TMF1: variants seen among roughly 807,000 people sequenced by gnomAD.
The protein encoded by TMF1 is TATA element modulatory factor 1.
A neutral mutation model predicts 126.5 loss-of-function variants in TMF1; 71 were observed. The observed-to-expected ratio is 0.56, with a 90% confidence interval of 0.46 to 0.68. TMF1 has a LOEUF of 0.68. TMF1 is among the 30% of genes least tolerant of loss of function. The probability of loss-of-function intolerance (pLI) is 0.00; values close to 1 mark genes in which losing one functional copy is unlikely to be tolerated. For synonymous variants in TMF1, 461 were observed against 430.5 expected, an observed-to-expected ratio of 1.07 and a Z score of -0.88; for missense variants, 1,259 against 1,253.2, an observed-to-expected ratio of 1.00 and a Z score of -0.07.
At chr3:69,051,882 C>A in intron 1 of TMF1, 63 bp downstream of exon 1, 2 of 1,580,720 alleles carry the variant, frequency 1.3e-6, no homozygotes, top group Non-Finnish European at 1.7e-6. Flanking sequence ...CACCACTTAA[C>A]CTGCCTGCAT....
At chr3:69,045,961 T>C (rs13084180) in intron 2 of TMF1, among the ~76,000 whole-genome samples, 1 of 151,380 alleles carries the variant, frequency 6.6e-6, no homozygotes, top group African/African-American at 2.4e-5. Context: ...GCGGATTAGG[T>C]GGGAGGACTG....
At chr3:69,038,473 C>A (rs2091844800) in intron 8 of TMF1, 91 bp downstream of exon 8, 4 of 1,382,060 alleles carry the variant, frequency 2.9e-6, no homozygotes, top group Non-Finnish European at 3.0e-6. Context: ...TGTATCACTA[C>A]ATTGTTTGAT....
At chr3:69,029,161 G>A (rs1192719576) in intron 11 of TMF1, among the ~76,000 whole-genome samples, 1 of 151,530 alleles carries the variant, frequency 6.6e-6, no homozygotes, top group African/African-American at 2.4e-5. Context: ...AGCCTCCCGA[G>A]TAGCTGGAAT....
chr3:69,025,976 T>A lies in TMF1; in HGVS notation c.2859+20A>T. 1 of 1,555,706 alleles carries A rather than the reference T, an allele frequency of 6.4e-7. No homozygotes were observed. Among genetic ancestry groups the A allele is most frequent in the Non-Finnish European group, 8.8e-7 (1 of 1,132,364 alleles). On this transcript the variant is annotated intron_variant, in intron 14 of 16. Coordinates refer to ENST00000398559, the MANE Select transcript of TMF1 (RefSeq NM_007114.3). Reference sequence around the variant, plus strand: ...ATTATTATTCTAAGAACTAAGCACATATAAAAAATAAAACATCACCTGAGA... The same window carrying A: ...ATTATTATTCTAAGAACTAAGCACAAATAAAAAATAAAACATCACCTGAGA...
Position 69,029,844 on chromosome 3 carries a change from C to T in TMF1, c.2565G>A (p.Arg855=). 6.2e-7 allele frequency: 1 copy of T among 1,613,148 alleles called. No individual in the cohort carries two copies. Among genetic ancestry groups the T allele is most frequent in the South Asian group, 1.1e-5 (1 of 90,946 alleles). ...FQAQLESEKN[R]LCKLEDENNR... ...TGTTCTCATCCTCCAGTTTACACAGCCTATTTTTCTCTGATTCTAGCTGGG... is the reference window on the plus strand; with the variant it reads ...TGTTCTCATCCTCCAGTTTACACAGTCTATTTTTCTCTGATTCTAGCTGGG... The change falls in exon 11 of 17, where the codon AGG becomes AGA. Residue 855 remains arginine, a synonymous_variant. Coordinates refer to ENST00000398559, the MANE Select transcript of TMF1 (RefSeq NM_007114.3).
intron 13 of TMF1, among the ~76,000 whole-genome samples, chr3:69,026,674 A>G (rs1265976545): frequency 1.3e-5 from 2 of 148,712 alleles, no homozygotes; most frequent in Non-Finnish European, 2.9e-5. Flanking sequence ...AACTGTAGCT[A>G]GACTTGGTTA....
intron 8 of TMF1, chr3:69,035,357 T>G (rs1330094205): frequency 1.0e-5 from 5 of 490,386 alleles, no homozygotes; most frequent in Non-Finnish European, 1.8e-5. Flanking sequence ...CAAATATGTA[T>G]AAGGCATAGC....
intron 2 of TMF1, 80 bp from the exon 3 acceptor site, chr3:69,044,675 C>A: frequency 1.2e-6 from 1 of 806,112 alleles, no homozygotes; most frequent in Non-Finnish European, 2.0e-6. Context: ...ATCACTGTAA[C>A]AAAGAAAACA....
At position 69,048,130 on chromosome 3, in the gene TMF1, AC is replaced by A; in HGVS notation, c.574del (p.Val192Ter). 6.2e-7 allele frequency: 1 copy of A among 1,614,190 alleles called. No individual in the cohort carries two copies. Among genetic ancestry groups the A allele is most frequent in the Non-Finnish European group, 8.5e-7 (1 of 1,180,038 alleles). On this transcript the variant is annotated frameshift_variant, in exon 2 of 17. Transcript: ENST00000398559. LOFTEE classifies it high-confidence loss of function. ...TACACTTTCAGATACTTTCAAACTT[AC>A]AGTTGGCACCTTCATATCCGATTCT... The part of the protein sequence containing the change: ...NKESDMKVPT[V>X]SLKVSESVID...
At position 69,039,685 on chromosome 3, in the gene TMF1, G is replaced by A. The variant is rs879936495; in HGVS notation, c.1693C>T (p.Leu565Phe). The part of the protein sequence containing the change: ...IRGLMEEGEK[L>F]SKQQLHNSNI... ...GAATTGTGCAGCTGCTGTTTTGAAA[G>A]TTTTTCTCCTGGTGATGGTAAAGAA... The change falls in exon 6 of 17, where the codon CTT becomes TTT. Residue 565 changes from leucine to phenylalanine, a missense_variant. Transcript: ENST00000398559. 4.3e-6 allele frequency: 7 copies of A among 1,609,356 alleles called. No homozygotes were observed. The highest frequency in any genetic ancestry group is 5.9e-6 in the Non-Finnish European group (7 of 1,178,704).
At position 69,044,953 on chromosome 3, in the gene TMF1, C is replaced by T. The variant is rs187475515; in HGVS notation, c.1348-358G>A. 5.4e-3 allele frequency among the ~76,000 whole-genome samples: 828 copies of T among 152,244 alleles called. 8 individuals are homozygous for T. Among genetic ancestry groups the T allele is most frequent in the African/African-American group, 0.019 (774 of 41,534 alleles). On this transcript the variant is annotated intron_variant, in intron 2 of 16. Coordinates refer to ENST00000398559, the MANE Select transcript of TMF1 (RefSeq NM_007114.3). ...GCACTAGGCGACATGTATAAGAATA[C>T]TTTATGTAGCTTCCTGGTAATAGCA...
chr3:69,024,165 G>A lies in TMF1; in HGVS notation c.3028C>T (p.Leu1010=), dbSNP rs1054751184. 2.6e-5 allele frequency: 42 copies of A among 1,602,982 alleles called. No individual in the cohort carries two copies. The highest frequency in any genetic ancestry group is 3.5e-5 in the Non-Finnish European group (41 of 1,176,010). ...GCCATTATTGATCGAGTTTTTTCTA[G>A]ATTGCCAATTTCTAGCTGAGAAGCA... The part of the protein sequence containing the change: ...ITHLQLEIGN[L]EKTRSIMAEE... Residue 1010 remains leucine (L), a synonymous_variant, in exon 16 of 17, where the codon CTA becomes TTA. Coordinates refer to ENST00000398559, the MANE Select transcript of TMF1 (RefSeq NM_007114.3).
chr3:69,047,245 G>A (rs574768414), intron 2 of TMF1, 113 bp downstream of exon 2: 153 of 1,266,578 alleles, frequency 1.2e-4, no homozygotes, highest in Non-Finnish European at 1.5e-4. Context: ...GGCAAAATGC[G>A]TATGTTTTTA....
At chr3:69,039,065 T>A (rs1006963164) in intron 6 of TMF1, 56 bp from the exon 7 acceptor site, 1 of 1,274,860 alleles carries the variant, frequency 7.8e-7, no homozygotes. Context: ...CCATGGTAAA[T>A]AACTGTATTC....
rs1559634057 is a variant in TMF1, at chr3:69,042,888, G to A, written c.1603C>T (p.Leu535Phe). The change falls in exon 5 of 17, where the codon CTT (leucine) becomes TTT (phenylalanine). Residue 535 changes from leucine to phenylalanine, a missense_variant. By Grantham distance (22) the Leu-to-Phe change is conservative. Coordinates refer to ENST00000398559, the MANE Select transcript of TMF1 (RefSeq NM_007114.3). ...KKEIKNIKEE[L>F]ATRLNSSETA... ...TCACTACTATTTAATCTAGTGGCAA[G>A]TTCTTCTTTTATGTTTTTGATTTCC... The A allele has an allele frequency of 6.2e-7, 1 of 1,612,434 alleles. No homozygotes were observed.
rs1294605552 is a variant in TMF1 at position 69,038,881 on chromosome 3, C to A, written c.1956G>T (p.Lys652Asn). 3 of 1,611,126 alleles carry A rather than the reference C, an allele frequency of 1.9e-6. No homozygotes were observed. Among genetic ancestry groups the A allele is most frequent in the South Asian group, 2.2e-5 (2 of 90,384 alleles). ...LQVDMDELEE[K>N]NRSIQAALDS... ...CCAGGGCAGCCTGAATACTTCGGTT[C>A]TTTTCTTCAAGTTCATCCATGTCTA... Residue 652 changes from lysine to asparagine, a missense_variant, in exon 7 of 17, where the codon AAG (lysine) becomes AAT (asparagine). Transcript: ENST00000398559.
chr3:69,046,348 C>T (rs2091895902), intron 2 of TMF1, among the ~76,000 whole-genome samples: 2 of 152,018 alleles, frequency 1.3e-5, no homozygotes, highest in Admixed American at 6.6e-5. Flanking sequence ...AATCACTTAC[C>T]TTCTTAAATA....
rs201513097 is a variant in TMF1 at position 69,038,590 on chromosome 3, G to A, written c.2125C>T (p.Gln709Ter). Residue 709 changes from glutamine to a stop codon, truncating the protein, a stop_gained, in exon 8 of 17, where the codon CAG (glutamine) becomes TAG (stop). Coordinates refer to ENST00000398559, the MANE Select transcript of TMF1 (RefSeq NM_007114.3). LOFTEE classifies it high-confidence loss of function. ...TGAATGGCTAATGTTTCTTGCTGCT[G>A]ACGGGCTTCTTCTTGGGCCTTCTCT... is the stretch of plus-strand genomic sequence containing the variant. ...ALEKAQEEAR[Q>*]QQETLAIQVG... 2 of 1,613,920 alleles carry A rather than the reference G, an allele frequency of 1.2e-6. No homozygotes were observed. The highest frequency in any genetic ancestry group is 2.7e-5 in the African/African-American group (2 of 74,912).
intron 2 of TMF1, among the ~76,000 whole-genome samples, chr3:69,045,110 T>C (rs1478036846): frequency 6.6e-6 from 1 of 152,252 alleles, no homozygotes; most frequent in East Asian, 1.9e-4. Context: ...ATTTTCTGTA[T>C]TATTCTTTAC....
Sources: gnomAD v4.1 joint callset for allele counts (sites outside exome capture counted in the v4.1 genomes callset) on GRCh38, gnomAD v4.1.1 for gene constraint, MANE v1.5 for transcripts, NCBI Gene and HGNC (gene_info 2026-07-23, HGNC 2026-07-21) for gene names.